ZNF268: variants seen among roughly 807,000 people sequenced by gnomAD.
ZNF268 encodes the protein zinc finger protein 3.
ZNF268 carries 20 observed loss-of-function variants against 29.3 expected under a neutral mutation model. That is an observed-to-expected ratio of 0.68 (90% CI 0.48 to 0.99). The LOEUF is 0.99. Ranked by LOEUF, ZNF268 falls within the 50% of genes least tolerant of loss-of-function variation. The pLI is 0.00. For missense variants in ZNF268, 1,240 were observed against 1,121.6 expected, an observed-to-expected ratio of 1.11 and a Z score of -1.51; for synonymous variants, 429 against 376.9, an observed-to-expected ratio of 1.14 and a Z score of -1.60.
intron 2 of ZNF268, among the ~76,000 whole-genome samples, chr12:133,187,169 T>G (rs1217571435): frequency 1.3e-5 from 2 of 152,136 alleles, no homozygotes; most frequent in African/African-American, 4.8e-5. Context: ...TTCTAATTTT[T>G]TATTCCTTTT....
In ZNF268 at chr12:133,204,845, A is replaced by C. The variant is rs1003646190; in HGVS notation, c.*315A>C. 29 of 220,868 alleles carry C rather than the reference A, an allele frequency of 1.3e-4. No homozygotes were observed. Among genetic ancestry groups the C allele is most frequent in the Middle Eastern group, 1.5e-3 (1 of 662 alleles). 13.7% of individuals were successfully genotyped at this position (220,868 alleles called of 1,614,324 possible). A position where few individuals can be genotyped will look rare whatever the true frequency, so the allele number is the denominator to read the frequency against. ...CGTTGTAAAGTCATTTTACTAAAAT[A>C]AGATTCACAAAGAGGAAACTTCATG... On this transcript the variant is annotated 3_prime_UTR_variant, in exon 6 of 6. Coordinates refer to ENST00000536435, the MANE Select transcript of ZNF268 (RefSeq NM_003415.3).
At chr12:133,191,825 C>T (rs1449197288) in intron 4 of ZNF268, 83 bp from the exon 5 acceptor site, 1 of 1,554,652 alleles carries the variant, frequency 6.4e-7, no homozygotes, top group Admixed American at 1.7e-5. Flanking sequence ...CATGCTACCT[C>T]CAAACCAAAT....
At chr12:133,188,112 T>G (rs1956369497) in intron 3 of ZNF268, 40 bp downstream of exon 3, 1 of 1,460,488 alleles carries the variant, frequency 6.8e-7, no homozygotes, top group Non-Finnish European at 9.1e-7. Flanking sequence ...TTTTCTTTAT[T>G]ACCTTTTTTT....
intron 2 of ZNF268, among the ~76,000 whole-genome samples, chr12:133,187,438 A>G (rs1956350521): frequency 6.6e-6 from 1 of 151,706 alleles, no homozygotes; most frequent in Admixed American, 6.6e-5. Flanking sequence ...TTATGTTACA[A>G]TTTTTTATGT....
rs1056742036 is a variant in ZNF268 at position 133,210,176 on chromosome 12, A to G, written c.*5646A>G. 6.6e-6 allele frequency: 1 copy of G among 152,300 alleles called. No individual in the cohort carries two copies. The highest frequency in any genetic ancestry group is 1.5e-5 in the Non-Finnish European group (1 of 68,136). 9.4% of individuals were successfully genotyped at this position (152,300 alleles called of 1,614,324 possible). A position where few individuals can be genotyped will look rare whatever the true frequency, so the allele number is the denominator to read the frequency against. On this transcript the variant is annotated 3_prime_UTR_variant, in exon 6 of 6. Coordinates refer to ENST00000536435, the MANE Select transcript of ZNF268 (RefSeq NM_003415.3). ...CTCCTGTGGCCTCCATGTATCCCAA[A>G]GGTGAGATGACATCGCCCCAGATTG... is the stretch of plus-strand genomic sequence containing the variant.
In ZNF268 at chr12:133,205,150, A is replaced by C. The variant is rs868400208; in HGVS notation, c.*620A>C. 10 of 129,382 alleles carry C rather than the reference A, an allele frequency of 7.7e-5. No individual in the cohort carries two copies. In the East Asian group the frequency reaches 2.4e-3, roughly 30 times the overall value. The allele number at this position is 129,382 out of a possible 1,614,324, so 8.0% of individuals were successfully genotyped here. A position where few individuals can be genotyped will look rare whatever the true frequency, so the allele number is the denominator to read the frequency against. On this transcript the variant is annotated 3_prime_UTR_variant, in exon 6 of 6. Transcript: ENST00000536435. ...CACCTTAGAAGCTTCATTCTAAAAAAAAAAAAAAAAAAAAAAAAAAAAACC... is the reference window on the plus strand; with the variant it reads ...CACCTTAGAAGCTTCATTCTAAAAACAAAAAAAAAAAAAAAAAAAAAAACC...
At position 133,213,716 on chromosome 12, in the gene ZNF268, A is replaced by AGTCC; in HGVS notation, c.*9186_*9187insGTCC. The AGTCC allele has an allele frequency of 7.2e-6, 1 of 139,748 alleles. No homozygotes were observed. Among genetic ancestry groups the AGTCC allele is most frequent in the Non-Finnish European group, 1.5e-5 (1 of 64,658 alleles). 8.7% of individuals were successfully genotyped at this position (139,748 alleles called of 1,614,324 possible). ...AAAATTCCATCTCAAAAAAAAAAAA[A>AGTCC]AGGCCGGGTGTGGTGGCTCACGCCT... On this transcript the variant is annotated 3_prime_UTR_variant, in exon 6 of 6. Transcript: ENST00000536435.
intron 5 of ZNF268, among the ~76,000 whole-genome samples, chr12:133,197,995 T>C (rs2135511873): frequency 6.6e-6 from 1 of 152,190 alleles, no homozygotes; most frequent in East Asian, 1.9e-4. Context: ...GCCTGTTCAC[T>C]CTGATGGTAG....
Position 133,213,792 on chromosome 12 carries a change from G to A in ZNF268, c.*9262G>A, listed in dbSNP as rs1406681628. The A allele has an allele frequency of 6.6e-6, 1 of 151,396 alleles. No homozygotes were observed. The highest frequency in any genetic ancestry group is 1.5e-5 in the Non-Finnish European group (1 of 67,982). 9.4% of individuals were successfully genotyped at this position (151,396 alleles called of 1,614,324 possible). On this transcript the variant is annotated 3_prime_UTR_variant, in exon 6 of 6. Transcript: ENST00000536435. ...AGGCAGGTGGATCACGAGGTCAGGA[G>A]ATCGAAACCATCCTGGCTAATGTGG... is the stretch of plus-strand genomic sequence containing the variant.
chr12:133,200,891 CT>C (rs2135518038), intron 5 of ZNF268, among the ~76,000 whole-genome samples: 1 of 152,158 alleles, frequency 6.6e-6, no homozygotes, highest in South Asian at 2.1e-4. Flanking sequence ...ATTTACTTCT[CT>C]TTCACTCTCC....
At position 133,207,323 on chromosome 12, in the gene ZNF268, G is replaced by T. The variant is rs1409205034; in HGVS notation, c.*2793G>T. ...AACATAGGTTTAAAAATCCATATTT[G>T]TGAACATAGGTTTAAAAATCCATAT... is the stretch of plus-strand genomic sequence containing the variant. On this transcript the variant is annotated 3_prime_UTR_variant, in exon 6 of 6. Transcript: ENST00000536435. 1 of 151,630 alleles carries T rather than the reference G, an allele frequency of 6.6e-6. No individual in the cohort carries two copies. The highest frequency in any genetic ancestry group is 1.5e-5 in the Non-Finnish European group (1 of 67,924). The allele number at this position is 151,630 out of a possible 1,614,324, so 9.4% of individuals were successfully genotyped here.
intron 2 of ZNF268, among the ~76,000 whole-genome samples, chr12:133,182,944 T>C (rs7314240): frequency 0.34 from 52,175 of 152,038 alleles, 9,393 homozygotes; most frequent in African/African-American, 0.42. Context: ...CAGTCTGTGG[T>C]CTGTTAGGAA....
Position 133,211,120 on chromosome 12 carries a change from A to G in ZNF268, c.*6590A>G, listed in dbSNP as rs1360635801. 1 of 420,480 alleles carries G rather than the reference A, an allele frequency of 2.4e-6. No individual in the cohort carries two copies. 26.0% of individuals were successfully genotyped at this position (420,480 alleles called of 1,614,324 possible). ...AGACAAAAGTCAAGTGATTTCCTAT[A>G]TATTTGAAATAATGTATAGCAATAA... On this transcript the variant is annotated 3_prime_UTR_variant, in exon 6 of 6. Coordinates refer to ENST00000536435, the MANE Select transcript of ZNF268 (RefSeq NM_003415.3).
rs565059550 is a variant in ZNF268, at chr12:133,212,445, T to TTATATA, written c.*7963_*7968dup. 226 of 118,170 alleles carry TTATATA rather than the reference T, an allele frequency of 1.9e-3. 2 individuals are homozygous for TTATATA. The highest frequency in any genetic ancestry group is 2.8e-3 in the Non-Finnish European group (149 of 53,948). The allele number at this position is 118,170 out of a possible 1,614,324, so 7.3% of individuals were successfully genotyped here. The stretch of plus-strand genomic sequence containing the variant: ...CCAAGGGAGACTTTCATGTGTGATT[T>TTATATA]TATATATATATATATATATATATAT... On this transcript the variant is annotated 3_prime_UTR_variant, in exon 6 of 6. Coordinates refer to ENST00000536435, the MANE Select transcript of ZNF268 (RefSeq NM_003415.3).
rs758961988 is a variant in ZNF268, at chr12:133,191,775, A to G, written c.362-133A>G. ...ATTGGCAGCAGAGTATGCCAGTTGA[A>G]TGGTCTTTACTTTGCCAAATTGCAA... On this transcript the variant is annotated intron_variant, in intron 4 of 5. Transcript: ENST00000536435. 6 of 1,438,458 alleles carry G rather than the reference A, an allele frequency of 4.2e-6. No homozygotes were observed. In the African/African-American group the frequency reaches 5.6e-5, roughly 13 times the overall value. 89.1% of individuals were successfully genotyped at this position (1,438,458 alleles called of 1,614,324 possible). A position where few individuals can be genotyped will look rare whatever the true frequency, so the allele number is the denominator to read the frequency against.
intron 5 of ZNF268, among the ~76,000 whole-genome samples, chr12:133,198,826 GCTCT>G (rs1489298480): frequency 6.8e-6 from 1 of 148,130 alleles, no homozygotes; most frequent in Middle Eastern, 3.2e-3. Flanking sequence ...TCATGATTTG[GCTCT>G]CTGTTTGTCT....
rs751053990 is a variant in ZNF268, at chr12:133,191,527, C to T, written c.273C>T (p.Thr91=). Reference sequence around the variant, plus strand: ...TCATGGATGTGTTTGTGGATTTTACCTGGGAGGAGTGGCAGCTGCTAGACC... The same window carrying T: ...TCATGGATGTGTTTGTGGATTTTACTTGGGAGGAGTGGCAGCTGCTAGACC... ...LSFMDVFVDF[T]WEEWQLLDPA... Residue 91 remains threonine (T), a synonymous_variant, in exon 4 of 6, where the codon ACC becomes ACT. Transcript: ENST00000536435. 3 of 1,613,844 alleles carry T rather than the reference C, an allele frequency of 1.9e-6. No homozygotes were observed. The East Asian group carries it at 6.7e-5, about 36-fold the overall frequency.
At chr12:133,184,646 T>C in intron 2 of ZNF268, 1 of 422,936 alleles carries the variant, frequency 2.4e-6, no homozygotes, top group Non-Finnish European at 4.9e-6. Context: ...TGAGACTGAG[T>C]CTCGCTCTGT....
chr12:133,192,672 A>G (rs1216278668), intron 5 of ZNF268, among the ~76,000 whole-genome samples: 1 of 151,526 alleles, frequency 6.6e-6, no homozygotes, highest in African/African-American at 2.4e-5. Flanking sequence ...CTCTATGCTA[A>G]TGGATTTTTT....
Sources: allele counts gnomAD v4.1 joint callset (sites outside exome capture counted in the v4.1 genomes callset), GRCh38; gene constraint gnomAD v4.1.1; transcripts MANE v1.5; gene names NCBI Gene and HGNC (gene_info 2026-07-23, HGNC 2026-07-21).